DAB1: variants seen among roughly 807,000 people sequenced by gnomAD.
The protein encoded by DAB1 is disabled homolog 1.
A neutral mutation model predicts 64.6 loss-of-function variants in DAB1; 15 were observed. The observed-to-expected ratio is 0.23, with a 90% CI of 0.16 to 0.36. The LOEUF (loss-of-function observed/expected upper bound fraction) is 0.36, where lower values mean the gene tolerates loss of function less well. Ranked by LOEUF, DAB1 falls within the 10% of genes least tolerant of loss-of-function variation. The probability of loss-of-function intolerance (pLI) is 1.00; values close to 1 mark genes in which losing one functional copy is unlikely to be tolerated. For synonymous variants in DAB1, 235 were observed against 251.9 expected (o/e 0.93, Z 0.64); for missense variants, 596 against 706.7 (o/e 0.84, Z 1.78).
At chr1:57,984,984 C>CTGCA (rs1463023136) in intron 5 of DAB1, among the ~76,000 whole-genome samples, 3 of 152,034 alleles carry the variant, frequency 2.0e-5, no homozygotes, top group African/African-American at 7.2e-5. Flanking sequence ...TCCTGGCTCA[C>CTGCA]TGCAACCTCC....
chr1:58,421,425 C>T (rs1644770909), intron 3 of DAB1, among the ~76,000 whole-genome samples: 1 of 152,202 alleles, frequency 6.6e-6, no homozygotes, highest in African/African-American at 2.4e-5. Context: ...AGAAGGGAGA[C>T]TGAACACACC....
At chr1:58,222,656 G>A (rs769595881) in intron 4 of DAB1, among the ~76,000 whole-genome samples, 2 of 152,222 alleles carry the variant, frequency 1.3e-5, no homozygotes, top group South Asian at 2.1e-4. Context: ...AGGTCACACA[G>A]CTAATAAGAG....
chr1:58,437,209 C>A (rs768085562), intron 3 of DAB1, among the ~76,000 whole-genome samples: 3 of 152,192 alleles, frequency 2.0e-5, no homozygotes, highest in Non-Finnish European at 4.4e-5. Context: ...TCAGGCCTCA[C>A]CTCGGAGAGT....
intron 6 of DAB1, among the ~76,000 whole-genome samples, chr1:57,804,303 C>T (rs1651263152): frequency 6.6e-6 from 1 of 152,164 alleles, no homozygotes; most frequent in Non-Finnish European, 1.5e-5. Context: ...TCTCAAACTT[C>T]CTTCTTTTCT....
At chr1:57,793,197 A>G (rs536487533) in intron 6 of DAB1, among the ~76,000 whole-genome samples, 1 of 152,328 alleles carries the variant, frequency 6.6e-6, no homozygotes, top group African/African-American at 2.4e-5. Context: ...GTAGGCAGAG[A>G]AAATAAACGA....
chr1:57,224,970 T>TA (rs1667153556), intron 2 of DAB1, among the ~76,000 whole-genome samples: 1 of 152,186 alleles, frequency 6.6e-6, no homozygotes, highest in Non-Finnish European at 1.5e-5. Context: ...TCTCTTGTAT[T>TA]AAAAAAACTC....
intron 6 of DAB1, among the ~76,000 whole-genome samples, chr1:57,680,602 C>A (rs1411402809): frequency 6.6e-6 from 1 of 152,178 alleles, no homozygotes; most frequent in East Asian, 1.9e-4. Flanking sequence ...AACAGTATCT[C>A]TCTTTCTCTG....
At chr1:57,748,196 G>A (rs577013495) in intron 6 of DAB1, among the ~76,000 whole-genome samples, 1 of 152,266 alleles carries the variant, frequency 6.6e-6, no homozygotes, top group South Asian at 2.1e-4. Flanking sequence ...TGTCCTCTGG[G>A]CAACATCAAA....
chr1:57,571,335 C>G (rs1393452676), intron 7 of DAB1, among the ~76,000 whole-genome samples: 1 of 152,012 alleles, frequency 6.6e-6, no homozygotes, highest in Non-Finnish European at 1.5e-5. Flanking sequence ...GTAATTCAGC[C>G]CCCTGTGTTC....
chr1:57,767,016 C>A (rs1051175372), intron 6 of DAB1, among the ~76,000 whole-genome samples: 5 of 152,020 alleles, frequency 3.3e-5, no homozygotes, highest in African/African-American at 1.2e-4. Context: ...GCTTCCATGA[C>A]CTCTCTGAGG....
chr1:57,533,539 GTATATATATATATATA>G (rs59378470), intron 7 of DAB1, among the ~76,000 whole-genome samples: 1 of 143,788 alleles, frequency 7.0e-6, no homozygotes. Flanking sequence ...TTCATAACAG[GTATATATATATATATA>G]TATATATATA....
intron 3 of DAB1, among the ~76,000 whole-genome samples, chr1:58,364,317 G>A (rs1194872624): frequency 6.6e-6 from 1 of 152,208 alleles, no homozygotes; most frequent in Non-Finnish European, 1.5e-5. Flanking sequence ...TTAAGGTAAT[G>A]AGCTATTCCT....
intron 9 of DAB1, chr1:57,033,274 TAGAGC>T (rs1393405776): frequency 1.8e-6 from 2 of 1,142,442 alleles, no homozygotes; most frequent in Non-Finnish European, 2.6e-6. Flanking sequence ...AGGTACCTAC[TAGAGC>T]AGAGCAGGGC....
intron 3 of DAB1, among the ~76,000 whole-genome samples, chr1:58,441,043 T>G (rs55835866): frequency 0.13 from 20,488 of 152,202 alleles, 1,710 homozygotes; most frequent in East Asian, 0.32. Flanking sequence ...ATTTATACCC[T>G]CATTATCTGT....
chr1:58,115,036 C>A (rs1268961186), intron 5 of DAB1, among the ~76,000 whole-genome samples: 3 of 150,470 alleles, frequency 2.0e-5, no homozygotes, highest in Non-Finnish European at 4.4e-5. Flanking sequence ...AAACTACCAT[C>A]AGAGTGAACA....
intron 5 of DAB1, among the ~76,000 whole-genome samples, chr1:57,931,331 CTT>C (rs1374678800): frequency 6.6e-6 from 1 of 152,072 alleles, no homozygotes; most frequent in African/African-American, 2.4e-5. Context: ...CTTGTAATCT[CTT>C]TGTCTAATTT....
In DAB1 at chr1:58,197,703, C is replaced by CTTT. The variant is rs3053698; in HGVS notation, n.310-47118_310-47116dup. 2.4e-3 allele frequency among the ~76,000 whole-genome samples: 339 copies of CTTT among 139,936 alleles called. 6 individuals are homozygous for CTTT. Among genetic ancestry groups the CTTT allele is most frequent in the Middle Eastern group, 3.8e-3 (1 of 264 alleles). 91.8% of individuals were successfully genotyped at this position (139,936 alleles called of 152,430 possible). ...GCCACCATGCCCAGCGAGAGTTACACTTTTTTTTTTTTTTTTGAGGACAGA... is the reference window on the plus strand; with the variant it reads ...GCCACCATGCCCAGCGAGAGTTACACTTTTTTTTTTTTTTTTTTTGAGGACAGA... On this transcript the variant is annotated intron_variant and non_coding_transcript_variant, in intron 4 of 20. Transcript: ENST00000485760.
intron 1 of DAB1, among the ~76,000 whole-genome samples, chr1:57,877,892 C>T (rs1171653177): frequency 6.6e-6 from 1 of 152,100 alleles, no homozygotes; most frequent in African/African-American, 2.4e-5. Flanking sequence ...ACAAAAGTTA[C>T]ACATACTCAT....
At chr1:57,746,948 A>C (rs1648304654) in intron 6 of DAB1, among the ~76,000 whole-genome samples, 1 of 152,154 alleles carries the variant, frequency 6.6e-6, no homozygotes, top group African/African-American at 2.4e-5. Context: ...TATGATGAAA[A>C]TATTTTCAAG....
Sources: gnomAD v4.1 joint callset for allele counts (sites outside exome capture counted in the v4.1 genomes callset) on GRCh38, gnomAD v4.1.1 for gene constraint, MANE v1.5 for transcripts, NCBI Gene and HGNC (gene_info 2026-07-23, HGNC 2026-07-21) for gene names.